The following DLG2 variants were observed in gnomAD, a reference collection of about 807,000 sequenced individuals.
DLG2 encodes disks large homolog 2.
A neutral mutation model predicts 132.5 loss-of-function variants in DLG2; 45 were observed. The observed-to-expected ratio is 0.34, with a 90% CI of 0.27 to 0.44. The LOEUF (loss-of-function observed/expected upper bound fraction) is 0.44, where lower values mean the gene tolerates loss of function less well. Among genes scored for constraint, DLG2 ranks in the 20% least tolerant of loss-of-function variants. The probability of loss-of-function intolerance (pLI) is 1.00; values close to 1 mark genes in which losing one functional copy is unlikely to be tolerated. For missense variants in DLG2, 1,045 were observed against 1,196.9 expected (o/e 0.87, Z 1.87); for synonymous variants, 424 against 419.6 (o/e 1.01, Z -0.13).
intron 3 of DLG2, among the ~76,000 whole-genome samples, chr11:85,348,728 C>T (rs1470540589): frequency 6.6e-6 from 1 of 152,050 alleles, no homozygotes; most frequent in African/African-American, 2.4e-5. Flanking sequence ...ATTTAGGAGT[C>T]ATTCCAGATT....
In DLG2 at chr11:84,751,877, C is replaced by A. The variant is rs148358633; in HGVS notation, c.358-217146G>T. On this transcript the variant is annotated intron_variant, in intron 6 of 27. Transcript: ENST00000376104. ...GAAAAAATTAGATAAACTGATTTTT[C>A]TTTCCTTGATTTGAGTGGTAGGTTA... Among the ~76,000 whole-genome samples, 148 of 152,208 alleles carry A rather than the reference C, an allele frequency of 9.7e-4. 1 individual carries two copies. In the Middle Eastern group the frequency reaches 0.014, roughly 14 times the overall value.
chr11:84,415,606 C>A (rs1001611228), intron 7 of DLG2, among the ~76,000 whole-genome samples: 10 of 152,092 alleles, frequency 6.6e-5, no homozygotes, highest in Admixed American at 5.9e-4. Context: ...AATTAGGATT[C>A]GTGATTCCAA....
chr11:85,522,238 C>A (rs1489379176), intron 3 of DLG2, among the ~76,000 whole-genome samples: 1 of 152,180 alleles, frequency 6.6e-6, no homozygotes, highest in African/African-American at 2.4e-5. Context: ...AAGCCCCAAG[C>A]CTTGGCAGCT....
chr11:83,848,467 T>C (rs1032231750), intron 16 of DLG2, among the ~76,000 whole-genome samples: 16 of 152,234 alleles, frequency 1.1e-4, no homozygotes, highest in South Asian at 2.1e-4. Context: ...TCTCCCAGAA[T>C]TTTTTTTCTC....
intron 3 of DLG2, among the ~76,000 whole-genome samples, chr11:85,311,883 G>T (rs921734279): frequency 6.6e-6 from 1 of 151,868 alleles, no homozygotes; most frequent in East Asian, 1.9e-4. Context: ...TCCTTGGTTG[G>T]CTCTATAGTA....
intron 19 of DLG2, among the ~76,000 whole-genome samples, chr11:83,585,552 C>T (rs2097069812): frequency 6.6e-6 from 1 of 152,298 alleles, no homozygotes; most frequent in African/African-American, 2.4e-5. Context: ...ATTTAATAAT[C>T]ATCTCTTGTG....
At chr11:84,543,884 C>T (rs1393636800) in intron 6 of DLG2, among the ~76,000 whole-genome samples, 2 of 152,012 alleles carry the variant, frequency 1.3e-5, no homozygotes, top group Non-Finnish European at 2.9e-5. Context: ...CAGGACAAGC[C>T]AGGATGTTAA....
chr11:85,197,879 C>G (rs796992135), intron 4 of DLG2, among the ~76,000 whole-genome samples: 42 of 152,280 alleles, frequency 2.8e-4, no homozygotes, highest in African/African-American at 9.9e-4. Context: ...ATTGGGTCAT[C>G]ATTTAGCTTC....
At chr11:84,356,064 A>T (rs545553773) in intron 7 of DLG2, among the ~76,000 whole-genome samples, 1 of 152,274 alleles carries the variant, frequency 6.6e-6, no homozygotes, top group South Asian at 2.1e-4. Context: ...CAGAAAGAGA[A>T]GTTTCACAAC....
chr11:84,708,973 G>A (rs563120423), intron 6 of DLG2, among the ~76,000 whole-genome samples: 38 of 151,868 alleles, frequency 2.5e-4, no homozygotes, highest in African/African-American at 9.2e-4. Context: ...GAAAAAAGTT[G>A]TCTAGTTGAA....
chr11:83,506,819 C>G (rs138607621), intron 21 of DLG2, among the ~76,000 whole-genome samples: 7 of 152,152 alleles, frequency 4.6e-5, no homozygotes, highest in Non-Finnish European at 1.0e-4. Flanking sequence ...AATCAATGCC[C>G]TCACTTTAAC....
chr11:84,836,841 A>G (rs2079852281), intron 6 of DLG2, among the ~76,000 whole-genome samples: 2 of 151,164 alleles, frequency 1.3e-5, no homozygotes, highest in African/African-American at 4.8e-5. Context: ...ATTAATTTAT[A>G]CCCAGTGTCC....
At chr11:83,888,983 G>C (rs2068829489) in intron 15 of DLG2, among the ~76,000 whole-genome samples, 1 of 152,076 alleles carries the variant, frequency 6.6e-6, no homozygotes, top group African/African-American at 2.4e-5. Context: ...TTAAATGTTA[G>C]ACCTAAAACC....
intron 12 of DLG2, 64 bp from the exon 13 acceptor site, chr11:83,965,532 C>A: frequency 7.6e-7 from 1 of 1,312,450 alleles, no homozygotes; most frequent in Non-Finnish European, 1.1e-6. Context: ...AATATTCAGG[C>A]AAGAAGATAC....
chr11:84,984,273 C>G (rs995819339), intron 6 of DLG2, among the ~76,000 whole-genome samples: 16 of 151,848 alleles, frequency 1.1e-4, no homozygotes, highest in African/African-American at 3.9e-4. Flanking sequence ...CACCAGGTAA[C>G]CCAGATTTCT....
chr11:84,059,649 G>A (rs1011142749), intron 10 of DLG2, among the ~76,000 whole-genome samples, 165 bp from the exon 11 acceptor site: 2 of 152,170 alleles, frequency 1.3e-5, no homozygotes, highest in Admixed American at 1.3e-4. Context: ...TCTAAAAAAT[G>A]TCAAACTACT....
At chr11:84,988,349 G>T (rs2056726100) in intron 6 of DLG2, among the ~76,000 whole-genome samples, 3 of 152,098 alleles carry the variant, frequency 2.0e-5, no homozygotes, top group Admixed American at 6.6e-5. Flanking sequence ...TTGATCCAGC[G>T]ATCCCACTAC....
At chr11:85,060,934 A>C (rs2064058037) in intron 6 of DLG2, among the ~76,000 whole-genome samples, 1 of 151,082 alleles carries the variant, frequency 6.6e-6, no homozygotes, top group Admixed American at 6.6e-5. Context: ...GGTCATCTTA[A>C]CAAGTGTGAA....
At chr11:84,584,198 T>C (rs1226643550) in intron 6 of DLG2, among the ~76,000 whole-genome samples, 5 of 152,140 alleles carry the variant, frequency 3.3e-5, no homozygotes, top group Non-Finnish European at 5.9e-5. Context: ...GCTTCCTAAT[T>C]TTATACCTAT....
Sources: allele counts gnomAD v4.1 joint callset (sites outside exome capture counted in the v4.1 genomes callset), GRCh38; gene constraint gnomAD v4.1.1; transcripts MANE v1.5; gene names NCBI Gene and HGNC (gene_info 2026-07-23, HGNC 2026-07-21).